Variants in PSMD1 observed in about 807,000 individuals in gnomAD.
The protein encoded by PSMD1 is proteasome 26S subunit, non-ATPase 1.
A neutral mutation model predicts 119.0 loss-of-function variants in PSMD1; 18 were observed. The observed-to-expected ratio is 0.15, with a 90% CI of 0.10 to 0.22. PSMD1 has a LOEUF of 0.22. PSMD1 is among the 10% of genes least tolerant of loss of function. PSMD1 has a pLI of 1.00. For missense variants in PSMD1, 702 were observed against 1,158.5 expected (o/e 0.61, Z 5.72); for synonymous variants, 374 against 396.6 (o/e 0.94, Z 0.68).
intron 4 of PSMD1, among the ~76,000 whole-genome samples, chr2:231,064,540 G>C (rs1024336535): frequency 6.6e-6 from 1 of 152,176 alleles, no homozygotes; most frequent in African/African-American, 2.4e-5. Context: ...TCTCTGATGG[G>C]GTAGGGGTAA....
At chr2:231,116,947 G>T (rs1209143700) in intron 16 of PSMD1, among the ~76,000 whole-genome samples, 6 of 151,902 alleles carry the variant, frequency 3.9e-5, no homozygotes, top group Non-Finnish European at 5.9e-5. Context: ...TAAATTAATA[G>T]AAACCTTATA....
chr2:231,123,800 A>G (rs932346211), intron 16 of PSMD1: 16 of 1,479,304 alleles, frequency 1.1e-5, no homozygotes, highest in African/African-American at 4.2e-5. Context: ...CGTTCCGAAC[A>G]GTGGTCAGCA....
Position 231,151,946 on chromosome 2 carries a change from G to A in PSMD1, c.2116-1618G>A, listed in dbSNP as rs892378947. Among the ~76,000 whole-genome samples, 3 of 151,616 alleles carry A rather than the reference G, an allele frequency of 2.0e-5. No individual in the cohort carries two copies. In the South Asian group the frequency reaches 6.2e-4, roughly 32 times the overall value. On this transcript the variant is annotated intron_variant, in intron 18 of 24. Transcript: ENST00000308696. ...TCCTGCCTCAGCCTCCTGAGTAGCT[G>A]GGATTATAGGCGCCTGCCACCATGC...
At chr2:231,136,901 G>A (rs1286838009) in intron 16 of PSMD1, among the ~76,000 whole-genome samples, 3 of 146,294 alleles carry the variant, frequency 2.1e-5, no homozygotes, top group African/African-American at 7.5e-5. Flanking sequence ...TCATATCTTA[G>A]GTAGTTTATG....
chr2:231,079,170 A>T (rs1034961297), intron 10 of PSMD1, among the ~76,000 whole-genome samples: 2 of 152,216 alleles, frequency 1.3e-5, no homozygotes, highest in East Asian at 3.9e-4. Context: ...ACCAGTCCTT[A>T]ATTCTAAATT....
chr2:231,072,400 G>C lies in PSMD1; in HGVS notation c.866G>C (p.Gly289Ala). 1 of 1,611,414 alleles carries C rather than the reference G, an allele frequency of 6.2e-7. No individual in the cohort carries two copies. The change falls in exon 7 of 25, where the codon GGA (glycine) becomes GCA (alanine). Residue 289 changes from glycine to alanine, a missense_variant. By Grantham distance (60) the Gly-to-Ala change is moderately conservative. Coordinates refer to ENST00000308696, the MANE Select transcript of PSMD1 (RefSeq NM_002807.4). ...PGSTNTGTVP[G>A]SEKDSDSMET... ...TCCACTAATACGGGTACTGTTCCGG[G>C]ATCAGAGAAAGACAGGTATAAGTAC...
intron 9 of PSMD1, among the ~76,000 whole-genome samples, 198 bp from the exon 10 acceptor site, chr2:231,078,461 A>C (rs925572983): frequency 6.6e-6 from 1 of 152,208 alleles, no homozygotes; most frequent in African/African-American, 2.4e-5. Context: ...TAAAACTGCA[A>C]ATAAAACTTT....
At chr2:231,110,024 C>T (rs1695100961) in intron 16 of PSMD1, among the ~76,000 whole-genome samples, 1 of 152,160 alleles carries the variant, frequency 6.6e-6, no homozygotes, top group Non-Finnish European at 1.5e-5. Flanking sequence ...AATCTTTCTT[C>T]TTCTGTAGAA....
intron 4 of PSMD1, among the ~76,000 whole-genome samples, chr2:231,065,760 C>T (rs1031427291): frequency 9.2e-5 from 14 of 152,144 alleles, no homozygotes; most frequent in African/African-American, 3.4e-4. Context: ...GTATGTCACA[C>T]CCTCCCCTCC....
intron 12 of PSMD1, among the ~76,000 whole-genome samples, chr2:231,081,425 G>C (rs1694307030): frequency 6.6e-6 from 1 of 152,170 alleles, no homozygotes; most frequent in African/African-American, 2.4e-5. Context: ...TGATGAACTA[G>C]TTCTCACAAA....
intron 5 of PSMD1, among the ~76,000 whole-genome samples, chr2:231,068,980 A>G (rs1693972945): frequency 6.6e-6 from 1 of 152,202 alleles, no homozygotes; most frequent in South Asian, 2.1e-4. Context: ...ATTTGTGCAT[A>G]ATTTATATAG....
rs187347894 is a variant in PSMD1, at chr2:231,068,558, C to T, written c.510+1447C>T. On this transcript the variant is annotated intron_variant, in intron 5 of 24. Transcript: ENST00000308696. Reference sequence around the variant, plus strand: ...ACTGAAAATATTAAATAGAAAATTCCGGAAATAAACAATTCATGTCTTAAA... The same window carrying T: ...ACTGAAAATATTAAATAGAAAATTCTGGAAATAAACAATTCATGTCTTAAA... 1.2e-4 allele frequency among the ~76,000 whole-genome samples: 19 copies of T among 152,212 alleles called. No homozygotes were observed. In the East Asian group the frequency reaches 2.3e-3, roughly 19 times the overall value.
chr2:231,075,586 T>C lies in PSMD1; in HGVS notation c.942+15T>C, dbSNP rs138975562. ...CACCAGAAGCCGTGAGTGTGCTTTT[T>C]TTTTTTCCTTTGAGACAGGGTCCTG... On this transcript the variant is annotated intron_variant, in intron 8 of 24. Transcript: ENST00000308696. 2.1e-5 allele frequency: 33 copies of C among 1,606,188 alleles called. No individual in the cohort carries two copies. In the African/African-American group the frequency reaches 3.8e-4, roughly 18 times the overall value.
chr2:231,080,368 A>G (rs769762026), intron 12 of PSMD1, 54 bp downstream of exon 12: 7 of 1,392,596 alleles, frequency 5.0e-6, no homozygotes, highest in Middle Eastern at 3.7e-4. Flanking sequence ...CCAGGATAAC[A>G]TATTTGCCAC....
intron 5 of PSMD1, 96 bp from the exon 6 acceptor site, chr2:231,069,929 T>C: frequency 9.5e-7 from 1 of 1,049,600 alleles, no homozygotes; most frequent in Non-Finnish European, 1.2e-6. Context: ...GCTTCCTAGA[T>C]TGGCTAAAGA....
At chr2:231,138,953 T>C (rs1574763795) in intron 17 of PSMD1, 103 bp downstream of exon 17, 1 of 856,908 alleles carries the variant, frequency 1.2e-6, no homozygotes, top group Non-Finnish European at 2.0e-6. Context: ...TGCAATGTGA[T>C]CTGTAAGAGT....
At position 231,135,394 on chromosome 2, in the gene PSMD1, C is replaced by G. The variant is rs567627861; in HGVS notation, c.1884-3342C>G. Among the ~76,000 whole-genome samples the G allele has an allele frequency of 1.3e-4, 20 of 152,176 alleles. No homozygotes were observed. The South Asian group carries it at 4.1e-3, about 32-fold the overall frequency. ...GGAACAGACTTACAGAACTTCTAGT[C>G]CCATTCTTCCTCTTTTCAGATGAGG... On this transcript the variant is annotated intron_variant, in intron 16 of 24. Transcript: ENST00000308696.
chr2:231,093,881 G>C (rs947254391), intron 16 of PSMD1, among the ~76,000 whole-genome samples: 7 of 152,026 alleles, frequency 4.6e-5, no homozygotes, highest in African/African-American at 1.4e-4. Context: ...CAAAATTGTT[G>C]AAATTGTGAG....
At chr2:231,123,808 G>A in intron 16 of PSMD1, 1 of 1,416,870 alleles carries the variant, frequency 7.1e-7, no homozygotes, top group Non-Finnish European at 1.0e-6. Context: ...ACAGTGGTCA[G>A]CATGGTTAGT....
Sources: allele counts gnomAD v4.1 joint callset (sites outside exome capture counted in the v4.1 genomes callset), GRCh38; gene constraint gnomAD v4.1.1; transcripts MANE v1.5; gene names NCBI Gene and HGNC (gene_info 2026-07-23, HGNC 2026-07-21).